PPM1L: variants seen among roughly 807,000 people sequenced by gnomAD.
PPM1L encodes the protein protein phosphatase, Mg2+/Mn2+ dependent 1L.
PPM1L carries 13 observed loss-of-function variants against 31.4 expected under a neutral mutation model. That is an observed-to-expected ratio of 0.41 (90% confidence interval 0.27 to 0.66). The LOEUF is 0.66. Ranked by LOEUF, PPM1L falls within the 30% of genes least tolerant of loss-of-function variation. The pLI, the probability that PPM1L is intolerant of heterozygous loss-of-function variation, is 0.29. For synonymous variants in PPM1L, 184 were observed against 175.4 expected (o/e 1.05, Z -0.39); for missense variants, 326 against 453.7 (o/e 0.72, Z 2.56).
intron 1 of PPM1L, among the ~76,000 whole-genome samples, chr3:160,869,273 C>T (rs1015745779): frequency 3.9e-5 from 6 of 152,220 alleles, no homozygotes; most frequent in East Asian, 1.9e-4. Context: ...GGAGCAGCAG[C>T]GTAGAGGTAG....
At position 161,068,913 on chromosome 3, in the gene PPM1L, C is replaced by G; in HGVS notation, c.839C>G (p.Pro280Arg). 6.2e-7 allele frequency: 1 copy of G among 1,614,182 alleles called. No individual in the cohort carries two copies. Among genetic ancestry groups the G allele is most frequent in the Non-Finnish European group, 8.5e-7 (1 of 1,180,034 alleles). ...YPLKNLNVVI[P>R]DPDILTFDLD... Reference sequence around the variant, plus strand: ...CTGAAAAATCTCAACGTGGTCATCCCAGACCCAGACATCCTGACCTTTGAC... The same window carrying G: ...CTGAAAAATCTCAACGTGGTCATCCGAGACCCAGACATCCTGACCTTTGAC... Residue 280 changes from proline to arginine, a missense_variant, in exon 4 of 4, where the codon CCA (proline) becomes CGA (arginine). By Grantham distance (103) the Pro-to-Arg change is moderately radical. Coordinates refer to ENST00000498165, the MANE Select transcript of PPM1L (RefSeq NM_139245.4).
At chr3:160,759,508 G>A (rs1430844024) in intron 1 of PPM1L, among the ~76,000 whole-genome samples, 1 of 151,980 alleles carries the variant, frequency 6.6e-6, no homozygotes, top group African/African-American at 2.4e-5. Flanking sequence ...CCTTCAGTTT[G>A]TTGATCTCTA....
At chr3:160,830,118 T>C (rs1417187093) in intron 1 of PPM1L, among the ~76,000 whole-genome samples, 2 of 152,176 alleles carry the variant, frequency 1.3e-5, no homozygotes, top group Non-Finnish European at 2.9e-5. Context: ...TAGACATTTC[T>C]TTGGGTGTAG....
rs570264742 is a variant in PPM1L at position 161,014,107 on chromosome 3, C to A, written c.575-51296C>A. On this transcript the variant is annotated intron_variant, in intron 2 of 3. Coordinates refer to ENST00000498165, the MANE Select transcript of PPM1L (RefSeq NM_139245.4). ...TTTTGCTCATTAGTTGATGCAGTTT[C>A]TTCCTAGCATCAATGGTCTTTACAA... Among the ~76,000 whole-genome samples, 3 of 152,302 alleles carry A rather than the reference C, an allele frequency of 2.0e-5. No homozygotes were observed. The East Asian group carries it at 5.8e-4, about 29-fold the overall frequency.
chr3:160,871,774 T>C (rs1274120037), intron 1 of PPM1L, among the ~76,000 whole-genome samples: 1 of 152,070 alleles, frequency 6.6e-6, no homozygotes, highest in Non-Finnish European at 1.5e-5. Flanking sequence ...TTTTTTTTCT[T>C]ATTTTGTATA....
At chr3:160,976,226 A>C in intron 2 of PPM1L, among the ~76,000 whole-genome samples, 1 of 142,880 alleles carries the variant, frequency 7.0e-6, no homozygotes, top group East Asian at 2.1e-4. Flanking sequence ...GATGAAGCCC[A>C]CTTGATCATG....
chr3:160,792,059 C>G lies in PPM1L; in HGVS notation c.399+35352C>G, dbSNP rs1292852786. Among the ~76,000 whole-genome samples, 3 of 152,038 alleles carry G rather than the reference C, an allele frequency of 2.0e-5. No homozygotes were observed. The East Asian group carries it at 5.8e-4, about 29-fold the overall frequency. On this transcript the variant is annotated intron_variant, in intron 1 of 3. Transcript: ENST00000498165. ...ATGGCTGAACTACTGTGGTAATAGT[C>G]TAATGTCAGCATGCACCCAGGTAAT...
intron 1 of PPM1L, among the ~76,000 whole-genome samples, chr3:160,958,110 CTG>C (rs1480287465): frequency 6.6e-6 from 1 of 152,106 alleles, no homozygotes; most frequent in Non-Finnish European, 1.5e-5. Flanking sequence ...TGTAGGTTGT[CTG>C]TTTACTCTGA....
At chr3:160,823,946 C>T (rs1713279527) in intron 1 of PPM1L, among the ~76,000 whole-genome samples, 1 of 152,078 alleles carries the variant, frequency 6.6e-6, no homozygotes, top group South Asian at 2.1e-4. Flanking sequence ...GACATAATAT[C>T]AAGAGACGGG....
chr3:161,032,935 T>A (rs1237263033), intron 2 of PPM1L, among the ~76,000 whole-genome samples: 1 of 148,288 alleles, frequency 6.7e-6, no homozygotes, highest in African/African-American at 2.5e-5. Context: ...GGTCTTGAAA[T>A]CCTGACCTGA....
intron 1 of PPM1L, among the ~76,000 whole-genome samples, chr3:160,835,728 C>T (rs780439213): frequency 2.6e-5 from 4 of 152,032 alleles, no homozygotes; most frequent in African/African-American, 4.8e-5. Context: ...ACCACTTGGC[C>T]GATTCTGCAT....
At chr3:160,867,614 C>A (rs967968570) in intron 1 of PPM1L, among the ~76,000 whole-genome samples, 2 of 152,014 alleles carry the variant, frequency 1.3e-5, no homozygotes, top group Admixed American at 1.3e-4. Flanking sequence ...ATCAATATTG[C>A]AAACAGACAA....
intron 1 of PPM1L, among the ~76,000 whole-genome samples, chr3:160,801,128 T>TACACACACAC (rs10575984): frequency 1.7e-4 from 25 of 145,590 alleles, no homozygotes; most frequent in Non-Finnish European, 3.8e-4. Flanking sequence ...TGTTTAGTGA[T>TACACACACAC]ACACACACAC....
At chr3:160,918,452 A>G (rs140171357) in intron 1 of PPM1L, among the ~76,000 whole-genome samples, 2,292 of 152,358 alleles carry the variant, frequency 0.015, 58 homozygotes, top group African/African-American at 0.052. Flanking sequence ...GGAAATTTCT[A>G]TTAGAAACCA....
At chr3:160,865,790 G>C (rs1198815782) in intron 1 of PPM1L, among the ~76,000 whole-genome samples, 2 of 152,036 alleles carry the variant, frequency 1.3e-5, no homozygotes, top group Admixed American at 6.6e-5. Flanking sequence ...TAAATAACTA[G>C]GTTATAAGAC....
rs557246013 is a variant in PPM1L at position 161,011,223 on chromosome 3, C to T, written c.574+49313C>T. 4.1e-4 allele frequency among the ~76,000 whole-genome samples: 63 copies of T among 152,292 alleles called. 1 individual carries two copies. Among genetic ancestry groups the T allele is most frequent in the African/African-American group, 1.4e-3 (60 of 41,560 alleles). ...GTGTAAGGAAGGTATCCAGTTTCAG[C>T]TTTCTACATATGGCAAGCCAGTTTT... On this transcript the variant is annotated intron_variant, in intron 2 of 3. Coordinates refer to ENST00000498165, the MANE Select transcript of PPM1L (RefSeq NM_139245.4).
chr3:160,866,083 C>T (rs1712075367), intron 1 of PPM1L, among the ~76,000 whole-genome samples: 1 of 152,152 alleles, frequency 6.6e-6, no homozygotes, highest in Non-Finnish European at 1.5e-5. Flanking sequence ...TATCCTGGAC[C>T]ATTGAAGCTG....
intron 1 of PPM1L, among the ~76,000 whole-genome samples, chr3:160,930,615 G>A (rs1030173865): frequency 7.9e-5 from 12 of 152,160 alleles, no homozygotes; most frequent in Non-Finnish European, 1.6e-4. Context: ...TTATTCAAAT[G>A]CCAACAGAAG....
intron 1 of PPM1L, among the ~76,000 whole-genome samples, chr3:160,830,192 CATT>C (rs1209001645): frequency 6.6e-6 from 1 of 152,148 alleles, no homozygotes; most frequent in Non-Finnish European, 1.5e-5. Context: ...TCCTTATAGT[CATT>C]GTTGTAGCTA....
Sources: gnomAD v4.1 joint callset for allele counts (sites outside exome capture counted in the v4.1 genomes callset) on GRCh38, gnomAD v4.1.1 for gene constraint, MANE v1.5 for transcripts, NCBI Gene and HGNC (gene_info 2026-07-23, HGNC 2026-07-21) for gene names.